RBFOX3: variants seen among roughly 807,000 people sequenced by gnomAD.
RBFOX3 encodes RNA binding fox-1 homolog 3, also known as RNA binding protein fox-1 homolog 3.
In RBFOX3, 17 loss-of-function variants were observed where a neutral mutation model predicts 48.7. That is an observed-to-expected ratio of 0.35 (90% CI 0.24 to 0.52). The LOEUF (loss-of-function observed/expected upper bound fraction) is 0.52, where lower values mean the gene tolerates loss of function less well. Among genes scored for constraint, RBFOX3 ranks in the 20% least tolerant of loss-of-function variants. The probability of loss-of-function intolerance (pLI) is 0.94; values close to 1 mark genes in which losing one functional copy is unlikely to be tolerated. For missense variants in RBFOX3, 382 were observed against 497.5 expected (o/e 0.77, Z 2.21); for synonymous variants, 212 against 209.5 (o/e 1.01, Z -0.10).
intron 2 of RBFOX3, among the ~76,000 whole-genome samples, chr17:79,333,716 C>A (rs561503618): frequency 1.3e-5 from 2 of 152,280 alleles, no homozygotes; most frequent in Admixed American, 1.3e-4. Context: ...CACCCACAGT[C>A]AGCCCCTGGA....
At chr17:79,297,512 T>C (rs2074592087) in intron 3 of RBFOX3, among the ~76,000 whole-genome samples, 2 of 152,124 alleles carry the variant, frequency 1.3e-5, no homozygotes, top group South Asian at 4.2e-4. Flanking sequence ...AATCCCAGGG[T>C]CCCAGGAGCA....
intron 2 of RBFOX3, among the ~76,000 whole-genome samples, chr17:79,374,400 C>G (rs1281383365): frequency 1.3e-5 from 2 of 152,206 alleles, no homozygotes. Context: ...CTGAGCCTTT[C>G]TTCTTTGGAA....
intron 2 of RBFOX3, among the ~76,000 whole-genome samples, chr17:79,456,064 T>A (rs1406118549): frequency 6.6e-6 from 1 of 151,916 alleles, no homozygotes; most frequent in Non-Finnish European, 1.5e-5. Context: ...GACATTGTAC[T>A]GACCAGGCCC....
chr17:79,092,320 G>A (rs2074083344), intron 14 of RBFOX3: 1 of 985,426 alleles, frequency 1.0e-6, no homozygotes, highest in Non-Finnish European at 1.2e-6. Context: ...AATGGCTTGG[G>A]TAGTACAACA....
chr17:79,476,581 G>A (rs1436043655), intron 2 of RBFOX3, among the ~76,000 whole-genome samples: 1 of 152,168 alleles, frequency 6.6e-6, no homozygotes, highest in Non-Finnish European at 1.5e-5. Flanking sequence ...AAGGATTCCA[G>A]CCACATGTTT....
intron 1 of RBFOX3, among the ~76,000 whole-genome samples, chr17:79,514,394 G>A (rs1430528958): frequency 6.6e-6 from 1 of 152,220 alleles, no homozygotes; most frequent in Non-Finnish European, 1.5e-5. Flanking sequence ...GGCCACTATT[G>A]CCTCACTGAG....
At chr17:79,469,467 C>A (rs1045726826) in intron 2 of RBFOX3, among the ~76,000 whole-genome samples, 2 of 152,212 alleles carry the variant, frequency 1.3e-5, no homozygotes, top group Admixed American at 6.5e-5. Flanking sequence ...CCTAACGCTC[C>A]AGCCTGGACA....
intron 4 of RBFOX3, among the ~76,000 whole-genome samples, chr17:79,141,074 C>G (rs2144199097): frequency 6.6e-6 from 1 of 152,270 alleles, no homozygotes; most frequent in African/African-American, 2.4e-5. Context: ...AGCCCAGGGC[C>G]CAGCAGGGTG....
chr17:79,227,112 G>T (rs1452571211), intron 4 of RBFOX3, among the ~76,000 whole-genome samples: 5 of 152,168 alleles, frequency 3.3e-5, no homozygotes, highest in African/African-American at 7.2e-5. Flanking sequence ...TTATCTGCAA[G>T]CGCCAGCCAG....
At chr17:79,174,319 T>C (rs1268789484) in intron 4 of RBFOX3, among the ~76,000 whole-genome samples, 5 of 148,130 alleles carry the variant, frequency 3.4e-5, no homozygotes, top group African/African-American at 1.0e-4. Flanking sequence ...TTCACTCACA[T>C]GCACACAGAC....
intron 2 of RBFOX3, among the ~76,000 whole-genome samples, chr17:79,414,515 T>G (rs1311073074): frequency 6.6e-6 from 1 of 152,082 alleles, no homozygotes; most frequent in Non-Finnish European, 1.5e-5. Context: ...GGGCGAAAGC[T>G]CCCCGTGAAT....
intron 4 of RBFOX3, among the ~76,000 whole-genome samples, chr17:79,173,663 C>T (rs971081504): frequency 2.0e-5 from 3 of 152,218 alleles, no homozygotes; most frequent in African/African-American, 7.2e-5. Flanking sequence ...CTGACCCCAT[C>T]CCGTCCGCTC....
At chr17:79,621,723 C>T in the RBFOX3 span, among the ~76,000 whole-genome samples, 4 of 152,184 alleles carry the variant, frequency 2.6e-5, no homozygotes, top group Non-Finnish European at 4.4e-5. Flanking sequence ...GACTCAGGGG[C>T]ACGTGGCTGT....
intron 12 of RBFOX3, 102 bp from the exon 13 acceptor site, chr17:79,095,676 T>C: frequency 9.7e-7 from 1 of 1,032,850 alleles, no homozygotes; most frequent in Non-Finnish European, 1.4e-6. Flanking sequence ...GGTGGGGCCC[T>C]GGGAGGGACT....
At chr17:79,304,439 G>GTA (rs1447881414) in intron 3 of RBFOX3, among the ~76,000 whole-genome samples, 1 of 148,584 alleles carries the variant, frequency 6.7e-6, no homozygotes, top group Non-Finnish European at 1.5e-5. Flanking sequence ...TGATATATAT[G>GTA]TGTATATATA....
intron 2 of RBFOX3, among the ~76,000 whole-genome samples, chr17:79,365,145 A>ACACT (rs1760659620): frequency 6.6e-6 from 1 of 151,106 alleles, no homozygotes; most frequent in South Asian, 2.1e-4. Context: ...ACACACACAC[A>ACACT]CTCTCTCATG....
chr17:79,537,526 G>T (rs2089015729), intron 1 of RBFOX3, among the ~76,000 whole-genome samples: 2 of 152,178 alleles, frequency 1.3e-5, no homozygotes, highest in Admixed American at 1.3e-4. Flanking sequence ...ATGCCAAGGG[G>T]GGACAGTGTC....
the RBFOX3 span, among the ~76,000 whole-genome samples, chr17:79,626,964 A>G: frequency 3.9e-5 from 6 of 152,242 alleles, no homozygotes; most frequent in Non-Finnish European, 8.8e-5. Flanking sequence ...CACCATTTCT[A>G]TCTCAATTCA....
At chr17:79,274,614 G>T (rs138293384) in intron 3 of RBFOX3, among the ~76,000 whole-genome samples, 1 of 152,220 alleles carries the variant, frequency 6.6e-6, no homozygotes, top group East Asian at 1.9e-4. Flanking sequence ...TGCAGGGCTG[G>T]CTCTGTGGCA....
Sources: allele counts gnomAD v4.1 joint callset (sites outside exome capture counted in the v4.1 genomes callset), GRCh38; gene constraint gnomAD v4.1.1; transcripts MANE v1.5; gene names NCBI Gene and HGNC (gene_info 2026-07-23, HGNC 2026-07-21).